Variants in CD22 observed in about 807,000 individuals in gnomAD.
CD22 encodes the protein B-cell receptor CD22.
CD22 carries 51 observed loss-of-function variants against 94.7 expected under a neutral mutation model. The observed-to-expected ratio is 0.54, with a 90% CI of 0.43 to 0.68. The LOEUF (loss-of-function observed/expected upper bound fraction) is 0.68, where lower values mean the gene tolerates loss of function less well. Among genes scored for constraint, CD22 ranks in the 30% least tolerant of loss-of-function variants. The pLI, the probability that CD22 is intolerant of heterozygous loss-of-function variation, is 0.00. For synonymous variants in CD22, 424 were observed against 422.5 expected (o/e 1.00, Z -0.04); for missense variants, 931 against 1,060.4 (o/e 0.88, Z 1.69).
Position 35,337,132 on chromosome 19 carries a change from G to A in CD22, c.719-623G>A, listed in dbSNP as rs1316110101. On this transcript the variant is annotated intron_variant, in intron 4 of 13. Coordinates refer to ENST00000085219, the MANE Select transcript of CD22 (RefSeq NM_001771.4). This position sits in a 1 kb window ranked among gnomAD's most constrained non-coding sequence, Gnocchi z 4.4. Reference sequence around the variant, plus strand: ...CAGGCGCCTGTAGTCCCAGCTACTTGGGAGGCCAAGGCAGGAGAATGACAT... The same window carrying A: ...CAGGCGCCTGTAGTCCCAGCTACTTAGGAGGCCAAGGCAGGAGAATGACAT... Among the ~76,000 whole-genome samples the A allele has an allele frequency of 6.6e-6, 1 of 152,170 alleles. No individual in the cohort carries two copies. Among genetic ancestry groups the A allele is most frequent in the Non-Finnish European group, 1.5e-5 (1 of 68,032 alleles).
At chr19:35,342,095 C>T in intron 9 of CD22, 130 bp downstream of exon 9, 1 of 806,468 alleles carries the variant, frequency 1.2e-6, no homozygotes. Context: ...TTCTTCCCCT[C>T]CTCCTCCTCT....
At chr19:35,346,087 T>C in intron 12 of CD22, 64 bp from the exon 13 acceptor site, 1 of 1,273,510 alleles carries the variant, frequency 7.9e-7, no homozygotes, top group South Asian at 1.2e-5. Context: ...CTCTGGGTGT[T>C]GAGAGGGAGG....
In CD22 at chr19:35,329,908, G is replaced by A. The variant is rs80199483; in HGVS notation, c.-23+678G>A. 2.8e-3 allele frequency: 437 copies of A among 153,400 alleles called. 1 individual carries two copies. The highest frequency in any genetic ancestry group is 0.01 in the Middle Eastern group (3 of 294). 9.5% of individuals were successfully genotyped at this position (153,400 alleles called of 1,614,324 possible). A position where few individuals can be genotyped will look rare whatever the true frequency, so the allele number is the denominator to read the frequency against. On this transcript the variant is annotated intron_variant, in intron 1 of 13. Transcript: ENST00000085219. ...CCCTGCTAAGTTTTTTATGGAACAT[G>A]TAAAATAGATCCCATGGCCAAAGAA...
At chr19:35,345,373 A>G in intron 11 of CD22, 2 of 507,750 alleles carry the variant, frequency 3.9e-6, no homozygotes, top group Non-Finnish European at 7.0e-6. Context: ...GTGAGCCAAG[A>G]TTGCGCCATT....
chr19:35,344,830 T>C lies in CD22; in HGVS notation c.2037T>C (p.Tyr679=), dbSNP rs1334644909. Reference sequence around the variant, plus strand: ...AAGGTCTCTCCTTTCTCCACCCAGATAGCCCGGAGACCATCGGCAGGCGAG... The same window carrying C: ...AAGGTCTCTCCTTTCTCCACCCAGACAGCCCGGAGACCATCGGCAGGCGAG... ...RSPLSTLTVY[Y]SPETIGRRVA... The change falls in exon 10 of 14, where the codon TAT becomes TAC. Residue 679 remains tyrosine (Y), a splice_region_variant and synonymous_variant. Coordinates refer to ENST00000085219, the MANE Select transcript of CD22 (RefSeq NM_001771.4). The C allele has an allele frequency of 1.9e-6, 3 of 1,605,160 alleles. No homozygotes were observed. The highest frequency in any genetic ancestry group is 1.7e-5 in the Admixed American group (1 of 59,360).
At chr19:35,338,077 G>A (rs760770658) in intron 5 of CD22, 56 bp downstream of exon 5, 62 of 1,576,438 alleles carry the variant, frequency 3.9e-5, no homozygotes, top group Middle Eastern at 3.4e-4. Flanking sequence ...GGGTGGACCC[G>A]GAGAGGGGAG....
At position 35,337,016 on chromosome 19, in the gene CD22, G is replaced by C. The variant is rs1006020584; in HGVS notation, c.718+675G>C. 5.3e-5 allele frequency among the ~76,000 whole-genome samples: 8 copies of C among 152,058 alleles called. No homozygotes were observed. Among genetic ancestry groups the C allele is most frequent in the African/African-American group, 1.9e-4 (8 of 41,422 alleles). ...GCACTTTGGAAGGCCGAGGCGGGGG[G>C]ATCACAAGGTCAGGAGATCGAGACC... On this transcript the variant is annotated intron_variant, in intron 4 of 13. Transcript: ENST00000085219. This position sits in a 1 kb window ranked among gnomAD's most constrained non-coding sequence, Gnocchi z 4.4.
In CD22 at chr19:35,341,408, G is replaced by A. The variant is rs2066806485; in HGVS notation, c.1573G>A (p.Val525Ile). 6.2e-7 allele frequency: 1 copy of A among 1,613,942 alleles called. No homozygotes were observed. The highest frequency in any genetic ancestry group is 8.5e-7 in the Non-Finnish European group (1 of 1,179,976). Residue 525 changes from valine to isoleucine, a missense_variant, in exon 8 of 14, where the codon GTC becomes ATC. Physicochemically the swap from Val to Ile is conservative, Grantham distance 29 (BLOSUM62 3). Transcript: ENST00000085219. The surrounding 1 kb of genome is among the most constrained non-coding windows in gnomAD (Gnocchi z 4.0). Reference protein sequence around the residue: ...PLSEIHSGNSVSLQCDFSSSH... With the variant: ...PLSEIHSGNSISLQCDFSSSH... ...TTCCGAGATTCACTCTGGAAACTCG[G>A]TCAGCCTCCAATGTGACTTCTCAAG...
intron 12 of CD22, 32 bp from the exon 13 acceptor site, chr19:35,346,119 A>C (rs766905903): frequency 3.9e-6 from 6 of 1,536,102 alleles, no homozygotes; most frequent in African/African-American, 1.4e-5. Flanking sequence ...GAGATGCTTC[A>C]TGCGTGGTCG....
rs141041635 is a variant in CD22 at position 35,340,499 on chromosome 19, C to T, written c.1250-382C>T. On this transcript the variant is annotated intron_variant, in intron 6 of 13. Transcript: ENST00000085219. ...GGGTTTTGCTGTGTTGGCCAGGTCTCGAACTCCTGACCTCAGGTGATCTGC... is the reference window on the plus strand; with the variant it reads ...GGGTTTTGCTGTGTTGGCCAGGTCTTGAACTCCTGACCTCAGGTGATCTGC... Among the ~76,000 whole-genome samples the T allele has an allele frequency of 2.9e-3, 438 of 152,236 alleles. 3 individuals carry two copies. Among genetic ancestry groups the T allele is most frequent in the African/African-American group, 9.4e-3 (391 of 41,534 alleles).
intron 1 of CD22, 197 bp from the exon 2 acceptor site, chr19:35,331,822 G>A: frequency 6.3e-6 from 7 of 1,108,754 alleles, no homozygotes; most frequent in African/African-American, 1.6e-5. Flanking sequence ...ACTCTAGCCT[G>A]GGAGACAGAG....
At chr19:35,338,491 G>A (rs2066758504) in intron 6 of CD22, 60 bp downstream of exon 6, 9 of 1,550,438 alleles carry the variant, frequency 5.8e-6, no homozygotes, top group Non-Finnish European at 7.9e-6. Flanking sequence ...GAACGGGGAA[G>A]GCAGATGGGG....
intron 9 of CD22, 80 bp downstream of exon 9, chr19:35,342,045 CCTTCCTTCCTTTCT>C: frequency 1.0e-6 from 1 of 964,082 alleles, no homozygotes. Context: ...TTCCTTCCTT[CCTTCCTTCCTTTCT>C]TTCTCTCTTT....
intron 4 of CD22, chr19:35,336,748 C>T (rs918744476): frequency 1.6e-5 from 3 of 190,148 alleles, no homozygotes; most frequent in South Asian, 2.5e-4. Context: ...TTGCCCCACG[C>T]GGAGCCAGCG....
At chr19:35,334,961 C>T (rs1175188045) in intron 3 of CD22, among the ~76,000 whole-genome samples, 3 of 151,758 alleles carry the variant, frequency 2.0e-5, no homozygotes, top group Non-Finnish European at 4.4e-5. Flanking sequence ...GCCTGTAGTC[C>T]CAGCTACTCA....
intron 9 of CD22, among the ~76,000 whole-genome samples, chr19:35,342,527 T>C (rs1160491040): frequency 2.0e-5 from 3 of 152,062 alleles, no homozygotes; most frequent in African/African-American, 7.2e-5. Context: ...CCGAAAAGCC[T>C]TCCAGACCAG....
In CD22 at chr19:35,341,936, G is replaced by A. The variant is rs140037563; in HGVS notation, c.2006G>A (p.Arg669His). The change falls in exon 9 of 14, where the codon CGT becomes CAT. Residue 669 changes from arginine to histidine, a missense_variant. Transcript: ENST00000085219. This position sits in a 1 kb window ranked among gnomAD's most constrained non-coding sequence, Gnocchi z 4.0. ...GGGACCAACAGTGTGGGCAAGGGCC[G>A]TTCGCCTCTCAGCACCCTCACCGTC... ...CQGTNSVGKG[R>H]SPLSTLTVYY... 2,467 of 1,613,524 alleles carry A rather than the reference G, an allele frequency of 1.5e-3. 3 individuals carry two copies. The highest frequency in any genetic ancestry group is 2.0e-3 in the Admixed American group (117 of 59,958).
intron 4 of CD22, 75 bp downstream of exon 4, chr19:35,336,416 AC>A: frequency 6.9e-7 from 1 of 1,449,044 alleles, no homozygotes; most frequent in Non-Finnish European, 9.4e-7. Flanking sequence ...GGGGGCATGC[AC>A]CCAGGGCAGG....
At chr19:35,343,366 C>A (rs1320975041) in intron 9 of CD22, among the ~76,000 whole-genome samples, 2 of 152,144 alleles carry the variant, frequency 1.3e-5, no homozygotes, top group East Asian at 3.9e-4. Context: ...ACCAAAGGTC[C>A]TCACTGCACA....
Sources: gnomAD v4.1 joint callset for allele counts (sites outside exome capture counted in the v4.1 genomes callset) on GRCh38, gnomAD v4.1.1 for gene constraint, Gnocchi (gnomAD v3.1) non-coding constraint, MANE v1.5 for transcripts, NCBI Gene and HGNC (gene_info 2026-07-23, HGNC 2026-07-21) for gene names.